Variants in SPTSSB observed in about 807,000 individuals in gnomAD.
The protein encoded by SPTSSB is androgen down regulated in mouse prostate.
A neutral mutation model predicts 7.7 loss-of-function variants in SPTSSB; 6 were observed. The observed-to-expected ratio is 0.78, with a 90% CI of 0.43 to 1.54. The LOEUF is 1.54. Ranked by LOEUF, SPTSSB falls within the 40% of genes most tolerant of loss-of-function variation. The probability of loss-of-function intolerance (pLI) is 0.01; values close to 1 mark genes in which losing one functional copy is unlikely to be tolerated. For missense variants in SPTSSB, 91 were observed against 93.0 expected, an observed-to-expected ratio of 0.98 and a Z score of 0.09; for synonymous variants, 28 against 29.7, an observed-to-expected ratio of 0.94 and a Z score of 0.19.
At chr3:161,357,313 C>G (rs953814236) in intron 2 of SPTSSB, among the ~76,000 whole-genome samples, 2 of 152,194 alleles carry the variant, frequency 1.3e-5, no homozygotes, top group South Asian at 2.1e-4. Flanking sequence ...AGAAAAAACT[C>G]TCATTGACAA....
At chr3:161,359,126 T>C (rs1714902746) in intron 2 of SPTSSB, among the ~76,000 whole-genome samples, 1 of 152,240 alleles carries the variant, frequency 6.6e-6, no homozygotes, top group South Asian at 2.1e-4. Context: ...TTTGTAATTC[T>C]ATTTCCTTTT....
At chr3:161,369,299 T>TCTTTCTTTTTC in intron 1 of SPTSSB, among the ~76,000 whole-genome samples, 1 of 64,972 alleles carries the variant, frequency 1.5e-5, no homozygotes, top group Non-Finnish European at 2.6e-5. Flanking sequence ...TCTTTCTTTC[T>TCTTTCTTTTTC]TTCTTTCTTT....
intron 1 of SPTSSB, among the ~76,000 whole-genome samples, chr3:161,361,672 A>C (rs1560106532): frequency 6.6e-6 from 1 of 152,202 alleles, no homozygotes; most frequent in Non-Finnish European, 1.5e-5. Context: ...GTCTTAGTAA[A>C]GGCTCAAAGA....
intron 2 of SPTSSB, among the ~76,000 whole-genome samples, chr3:161,355,186 C>G (rs1714713833): frequency 1.3e-5 from 2 of 152,056 alleles, no homozygotes; most frequent in South Asian, 4.1e-4. Context: ...GTATGAGCTT[C>G]TTTATAACTA....
At chr3:161,356,012 G>A (rs189885111) in intron 2 of SPTSSB, among the ~76,000 whole-genome samples, 114 of 152,310 alleles carry the variant, frequency 7.5e-4, no homozygotes, top group African/African-American at 2.6e-3. Flanking sequence ...TCACATCGAT[G>A]TACCATACAA....
intron 1 of SPTSSB, among the ~76,000 whole-genome samples, chr3:161,367,077 TG>T (rs1169120433): frequency 2.0e-5 from 3 of 152,172 alleles, no homozygotes; most frequent in African/African-American, 7.2e-5. Flanking sequence ...CTGGGGAGGC[TG>T]AGGCAGGACA....
At chr3:161,351,952 G>C (rs1363019553) in intron 2 of SPTSSB, among the ~76,000 whole-genome samples, 1 of 152,204 alleles carries the variant, frequency 6.6e-6, no homozygotes, top group East Asian at 1.9e-4. Flanking sequence ...CATGTGGCTA[G>C]TGGTTACCAT....
intron 2 of SPTSSB, among the ~76,000 whole-genome samples, chr3:161,350,616 G>T (rs2108156132): frequency 6.6e-6 from 1 of 152,226 alleles, no homozygotes; most frequent in Admixed American, 6.5e-5. Flanking sequence ...TATCTAAAAA[G>T]AGACTCTTTC....
At chr3:161,353,299 C>T (rs925974474) in intron 2 of SPTSSB, among the ~76,000 whole-genome samples, 1 of 152,096 alleles carries the variant, frequency 6.6e-6, no homozygotes, top group Admixed American at 6.6e-5. Flanking sequence ...CAAGATTTTA[C>T]TAAATTATAG....
intron 1 of SPTSSB, among the ~76,000 whole-genome samples, chr3:161,365,429 A>G (rs1416903010): frequency 6.6e-6 from 1 of 152,250 alleles, no homozygotes; most frequent in African/African-American, 2.4e-5. Context: ...GGGGCATAGA[A>G]GAAGACTCTA....
At chr3:161,351,204 G>C (rs1714521213) in intron 2 of SPTSSB, among the ~76,000 whole-genome samples, 1 of 152,130 alleles carries the variant, frequency 6.6e-6, no homozygotes, top group Non-Finnish European at 1.5e-5. Context: ...GTTAATACTA[G>C]TATATCAATA....
chr3:161,360,653 ATTAAG>A (rs1242031620), intron 1 of SPTSSB, among the ~76,000 whole-genome samples: 1 of 152,150 alleles, frequency 6.6e-6, no homozygotes, highest in Non-Finnish European at 1.5e-5. Context: ...GTCCATATGA[ATTAAG>A]TTAAGAAAAG....
At chr3:161,355,984 A>G (rs1285217201) in intron 2 of SPTSSB, among the ~76,000 whole-genome samples, 1 of 152,238 alleles carries the variant, frequency 6.6e-6, no homozygotes. Flanking sequence ...GGAATGGGGC[A>G]TTACTAGTCT....
intron 1 of SPTSSB, among the ~76,000 whole-genome samples, chr3:161,369,557 AT>A (rs1715416300): frequency 6.6e-6 from 1 of 150,894 alleles, no homozygotes; most frequent in Admixed American, 6.6e-5. Context: ...GTCTATTCAA[AT>A]TTTTTTGTCC....
At chr3:161,366,129 A>G (rs1175350952) in intron 1 of SPTSSB, among the ~76,000 whole-genome samples, 1 of 152,180 alleles carries the variant, frequency 6.6e-6, no homozygotes, top group Non-Finnish European at 1.5e-5. Flanking sequence ...TTACCACACA[A>G]TTCTCTGGAA....
At chr3:161,367,222 A>G (rs1185740413) in intron 1 of SPTSSB, among the ~76,000 whole-genome samples, 1 of 152,238 alleles carries the variant, frequency 6.6e-6, no homozygotes, top group Non-Finnish European at 1.5e-5. Context: ...ATTGCTGGAC[A>G]TTAAAAATTA....
chr3:161,349,840 G>A (rs1020762879), intron 2 of SPTSSB, among the ~76,000 whole-genome samples: 1 of 152,168 alleles, frequency 6.6e-6, no homozygotes, highest in African/African-American at 2.4e-5. Context: ...CAGAGTAAAT[G>A]ATTATTTCTT....
intron 2 of SPTSSB, among the ~76,000 whole-genome samples, chr3:161,352,823 T>C (rs1320503476): frequency 6.6e-6 from 1 of 152,174 alleles, no homozygotes; most frequent in Non-Finnish European, 1.5e-5. Flanking sequence ...AAAATATATA[T>C]AACAAATGCT....
chr3:161,352,650 G>A (rs1019243531), intron 2 of SPTSSB, among the ~76,000 whole-genome samples: 6 of 152,144 alleles, frequency 3.9e-5, no homozygotes, highest in Admixed American at 6.6e-5. Context: ...AAGCACACTC[G>A]AATGTACTTA....
Sources: allele counts gnomAD v4.1 joint callset (sites outside exome capture counted in the v4.1 genomes callset), GRCh38; gene constraint gnomAD v4.1.1; transcripts MANE v1.5; gene names NCBI Gene and HGNC (gene_info 2026-07-23, HGNC 2026-07-21).